Variants in SEMA3D observed in about 807,000 individuals in gnomAD.
SEMA3D encodes semaphorin 3D, also known as semaphorin-3D.
SEMA3D carries 84 observed loss-of-function variants against 100.1 expected under a neutral mutation model. That is an observed-to-expected ratio of 0.84 (90% CI 0.70 to 1.01). The LOEUF is 1.01. Among genes scored for constraint, SEMA3D ranks in the 50% least tolerant of loss-of-function variants. The pLI is 0.00. For missense variants in SEMA3D, 875 were observed against 934.1 expected (o/e 0.94, Z 0.82); for synonymous variants, 312 against 320.7 (o/e 0.97, Z 0.29).
the SEMA3D span, among the ~76,000 whole-genome samples, chr7:85,247,095 A>C: frequency 4.9e-3 from 746 of 152,170 alleles, 10 homozygotes; most frequent in African/African-American, 0.017. Context: ...AGGAGCTCAT[A>C]GAGAAATTCA....
At chr7:85,214,554 T>A in the SEMA3D span, among the ~76,000 whole-genome samples, 2 of 152,136 alleles carry the variant, frequency 1.3e-5, no homozygotes, top group Non-Finnish European at 2.9e-5. Context: ...TGGAGTGCAA[T>A]GGTGTGATCT....
chr7:85,058,169 A>G (rs1057371567), intron 8 of SEMA3D, among the ~76,000 whole-genome samples: 3 of 152,152 alleles, frequency 2.0e-5, no homozygotes, highest in Non-Finnish European at 2.9e-5. Flanking sequence ...TAGAGCTTCA[A>G]TGGACTTTTA....
chr7:85,065,285 G>T, intron 8 of SEMA3D, 139 bp downstream of exon 8: 1 of 741,058 alleles, frequency 1.3e-6, no homozygotes. Flanking sequence ...TTTCTTAGTG[G>T]GGAATTATTT....
intron 2 of SEMA3D, among the ~76,000 whole-genome samples, chr7:85,134,211 C>G (rs776792531): frequency 6.6e-6 from 1 of 151,688 alleles, no homozygotes; most frequent in South Asian, 2.1e-4. Context: ...TTAGACTATA[C>G]AAAATAAAAG....
chr7:85,132,375 TA>T (rs903467037), intron 2 of SEMA3D, among the ~76,000 whole-genome samples: 2 of 151,838 alleles, frequency 1.3e-5, no homozygotes, highest in African/African-American at 4.8e-5. Flanking sequence ...AGGTTAAACA[TA>T]AAAAAATACT....
At chr7:85,205,265 T>C in the SEMA3D span, among the ~76,000 whole-genome samples, 2 of 152,124 alleles carry the variant, frequency 1.3e-5, no homozygotes, top group African/African-American at 4.8e-5. Context: ...TTGGTGACCG[T>C]AGTTAATAAG....
intron 9 of SEMA3D, among the ~76,000 whole-genome samples, chr7:85,043,271 A>G (rs1044586370): frequency 6.6e-5 from 10 of 152,062 alleles, no homozygotes; most frequent in African/African-American, 2.4e-4. Flanking sequence ...AAGGAGGAAG[A>G]TCACTTAAGC....
At chr7:85,195,463 C>T in the SEMA3D span, among the ~76,000 whole-genome samples, 1 of 151,778 alleles carries the variant, frequency 6.6e-6, no homozygotes, top group Non-Finnish European at 1.5e-5. Context: ...GACAGTGTCA[C>T]CCAGAATCTG....
At chr7:85,135,729 A>G (rs1239469688) in intron 2 of SEMA3D, among the ~76,000 whole-genome samples, 1 of 150,414 alleles carries the variant, frequency 6.6e-6, no homozygotes, top group Non-Finnish European at 1.5e-5. Context: ...AAAAAAATCA[A>G]TTTGCAAAGT....
the SEMA3D span, among the ~76,000 whole-genome samples, chr7:85,209,031 C>T: frequency 6.6e-6 from 1 of 152,004 alleles, no homozygotes; most frequent in Non-Finnish European, 1.5e-5. Context: ...AGCTACAACA[C>T]TGCGTATGAC....
chr7:85,018,322 G>A (rs772239507), intron 14 of SEMA3D, 29 bp from the exon 15 acceptor site: 3 of 1,439,172 alleles, frequency 2.1e-6, no homozygotes, highest in Non-Finnish European at 2.0e-6. Context: ...TGTCAATAAA[G>A]ATAATCATTA....
At chr7:85,029,508 T>G (rs557070473) in intron 12 of SEMA3D, 9 of 643,002 alleles carry the variant, frequency 1.4e-5, no homozygotes, top group South Asian at 3.1e-5. Flanking sequence ...TCGACAAGAA[T>G]CAGACTGCAG....
intron 9 of SEMA3D, 48 bp from the exon 10 acceptor site, chr7:85,042,333 A>G: frequency 7.5e-7 from 1 of 1,335,806 alleles, no homozygotes; most frequent in Non-Finnish European, 1.1e-6. Context: ...ACACAATTCT[A>G]CCACTCACTA....
intron 3 of SEMA3D, among the ~76,000 whole-genome samples, chr7:85,112,604 G>A (rs530708148): frequency 6.6e-5 from 10 of 152,194 alleles, no homozygotes; most frequent in Non-Finnish European, 1.3e-4. Context: ...CAGCTTGGTT[G>A]TGCTATTTAA....
At chr7:85,247,553 A>G in the SEMA3D span, among the ~76,000 whole-genome samples, 3 of 152,152 alleles carry the variant, frequency 2.0e-5, no homozygotes, top group Admixed American at 6.5e-5. Context: ...AATGATTTCA[A>G]GTTTACATGG....
chr7:85,033,858 TACACACACACAC>T (rs71082183), intron 12 of SEMA3D, among the ~76,000 whole-genome samples: 21 of 141,190 alleles, frequency 1.5e-4, no homozygotes, highest in Middle Eastern at 3.5e-3. Context: ...ATCACACACA[TACACACACACAC>T]ACACACACAC....
intron 17 of SEMA3D, among the ~76,000 whole-genome samples, chr7:85,008,976 A>T (rs1318768822): frequency 1.3e-5 from 2 of 151,764 alleles, no homozygotes. Flanking sequence ...ATATTTCATT[A>T]TGTATATGCA....
At chr7:85,158,694 A>C (rs1364656285) in intron 1 of SEMA3D, among the ~76,000 whole-genome samples, 1 of 152,102 alleles carries the variant, frequency 6.6e-6, no homozygotes, top group Admixed American at 6.6e-5. Flanking sequence ...AAAATCACTA[A>C]TAAAAACTTG....
intron 4 of SEMA3D, among the ~76,000 whole-genome samples, chr7:85,088,229 G>C (rs571775939): frequency 6.6e-6 from 1 of 152,244 alleles, no homozygotes; most frequent in African/African-American, 2.4e-5. Context: ...TGTTAGGCAA[G>C]TTACAGAAAC....
Sources: gnomAD v4.1 joint callset for allele counts (sites outside exome capture counted in the v4.1 genomes callset) on GRCh38, gnomAD v4.1.1 for gene constraint, MANE v1.5 for transcripts, NCBI Gene and HGNC (gene_info 2026-07-23, HGNC 2026-07-21) for gene names.